The following KDM2B variants were observed in gnomAD, a reference collection of about 807,000 sequenced individuals.
KDM2B encodes the protein lysine-specific demethylase 2B.
KDM2B carries 26 observed loss-of-function variants against 150.0 expected under a neutral mutation model. That is an observed-to-expected ratio of 0.17 (90% CI 0.13 to 0.24). The LOEUF is 0.24. Ranked by LOEUF, KDM2B falls within the 10% of genes least tolerant of loss-of-function variation. The pLI is 1.00. For missense variants in KDM2B, 1,265 were observed against 1,816.9 expected (o/e 0.70, Z 5.52); for synonymous variants, 734 against 729.5 (o/e 1.01, Z -0.10).
intron 8 of KDM2B, among the ~76,000 whole-genome samples, chr12:121,530,537 C>T (rs1427602299): frequency 1.0e-4 from 14 of 135,658 alleles, no homozygotes; most frequent in Non-Finnish European, 1.8e-4. Context: ...TCCCACCCTA[C>T]CCCACCCCTG....
At chr12:121,451,275 T>G in intron 13 of KDM2B, among the ~76,000 whole-genome samples, 1 of 152,330 alleles carries the variant, frequency 6.6e-6, no homozygotes, top group Non-Finnish European at 1.5e-5. Context: ...ATGATCTTCT[T>G]AATATTTTCT....
At chr12:121,420,583 G>T in the KDM2B span, 4 of 1,613,882 alleles carry the variant, frequency 2.5e-6, no homozygotes, top group African/African-American at 4.0e-5. Flanking sequence ...TCAGAACCCC[G>T]GGCTCTCCAA....
chr12:121,510,043 T>C lies in KDM2B; in HGVS notation c.1175-4A>G. The C allele has an allele frequency of 6.5e-7, 1 of 1,538,380 alleles. No individual in the cohort carries two copies. Among genetic ancestry groups the C allele is most frequent in the Non-Finnish European group, 8.7e-7 (1 of 1,145,540 alleles). ...ATGCTGGGCTTCCTCGGGGCATCTG[T>C]GGGGGCAGGGTCACAAGAAAGACCG... On this transcript the variant is annotated splice_polypyrimidine_tract_variant and splice_region_variant and intron_variant, in intron 10 of 22. Coordinates refer to ENST00000377071, the MANE Select transcript of KDM2B (RefSeq NM_032590.5).
chr12:121,558,214 G>T (rs1405755247), intron 4 of KDM2B, among the ~76,000 whole-genome samples: 2 of 152,150 alleles, frequency 1.3e-5, no homozygotes, highest in Admixed American at 6.5e-5. Flanking sequence ...CATGAGGAAT[G>T]AGTGCTGTTA....
intron 11 of KDM2B, among the ~76,000 whole-genome samples, chr12:121,509,215 G>A (rs1885363736): frequency 6.6e-6 from 1 of 151,992 alleles, no homozygotes; most frequent in Non-Finnish European, 1.5e-5. Context: ...TACGCCACCA[G>A]GCATGGCTAA....
intron 12 of KDM2B, among the ~76,000 whole-genome samples, chr12:121,492,028 TGTGCCTGTG>T (rs370813514): frequency 5.9e-5 from 9 of 151,714 alleles, no homozygotes; most frequent in African/African-American, 2.2e-4. Flanking sequence ...CGTGATGGCA[TGTGCCTGTG>T]GTCCCAGCTA....
chr12:121,547,912 A>G (rs1378082597), intron 6 of KDM2B, among the ~76,000 whole-genome samples: 1 of 151,922 alleles, frequency 6.6e-6, no homozygotes, highest in African/African-American at 2.4e-5. Flanking sequence ...AAGTGCTGGG[A>G]TTACAGGTGT....
intron 6 of KDM2B, among the ~76,000 whole-genome samples, chr12:121,539,206 G>A (rs1439913921): frequency 2.0e-5 from 3 of 151,322 alleles, no homozygotes; most frequent in East Asian, 1.9e-4. Context: ...AATGGTGCGC[G>A]CCTGTAGTCC....
chr12:121,442,797 C>T lies in KDM2B; in HGVS notation c.2644G>A (p.Ala882Thr), dbSNP rs368795156. The T allele has an allele frequency of 6.5e-7, 1 of 1,536,630 alleles. No individual in the cohort carries two copies. The highest frequency in any genetic ancestry group is 8.7e-7 in the Non-Finnish European group (1 of 1,148,392). ...WKNAEDRMAL[A>T]NKPLRRFKQE... ...TTGAAGCGCCGGAGGGGCTTGTTGG[C>T]CAGCGCCATGCGGTCCTCGGCGTTC... is the stretch of plus-strand genomic sequence containing the variant. The change falls in exon 19 of 23, where the codon GCC (alanine) becomes ACC (threonine). Residue 882 changes from alanine to threonine, a missense_variant. Coordinates refer to ENST00000377071, the MANE Select transcript of KDM2B (RefSeq NM_032590.5). This position sits in a 1 kb window ranked among gnomAD's most constrained non-coding sequence, Gnocchi z 7.7.
Position 121,579,412 on chromosome 12 carries a change from G to C in KDM2B, c.127-466C>G, listed in dbSNP as rs539211777. Reference sequence around the variant, plus strand: ...AGCCGGGAAGCCGGAACCGGGGGCCGGCGGCATTTCTAAAGCTGGAGCCGC... The same window carrying C: ...AGCCGGGAAGCCGGAACCGGGGGCCCGCGGCATTTCTAAAGCTGGAGCCGC... On this transcript the variant is annotated intron_variant, in intron 1 of 22. Transcript: ENST00000377071. Among the ~76,000 whole-genome samples the C allele has an allele frequency of 2.5e-3, 378 of 152,226 alleles. 2 individuals carry two copies. Among genetic ancestry groups the C allele is most frequent in the African/African-American group, 8.5e-3 (355 of 41,534 alleles).
chr12:121,545,239 G>A (rs1888937588), intron 6 of KDM2B, among the ~76,000 whole-genome samples: 1 of 152,086 alleles, frequency 6.6e-6, no homozygotes, highest in Admixed American at 6.6e-5. Context: ...TTTCCAAGAT[G>A]ACAATTTCCT....
intron 4 of KDM2B, among the ~76,000 whole-genome samples, chr12:121,566,069 G>A (rs918833224): frequency 1.3e-5 from 2 of 151,986 alleles, no homozygotes; most frequent in African/African-American, 4.8e-5. Context: ...AAATATAATC[G>A]TTCAAACAAT....
chr12:121,478,650 C>T (rs1456191605), intron 12 of KDM2B, among the ~76,000 whole-genome samples: 12 of 151,854 alleles, frequency 7.9e-5, no homozygotes, highest in Non-Finnish European at 1.6e-4. Context: ...TGAGCCACTG[C>T]GCCCAGCTGA....
intron 12 of KDM2B, among the ~76,000 whole-genome samples, chr12:121,457,775 CAAAT>C (rs1251050846): frequency 3.5e-5 from 5 of 142,632 alleles, no homozygotes; most frequent in Admixed American, 2.8e-4. Flanking sequence ...CACACACACA[CAAAT>C]ATCTTGGTAT....
Position 121,513,308 on chromosome 12 carries a change from G to T in KDM2B, c.1142C>A (p.Thr381Asn), listed in dbSNP as rs782143544. 6.2e-7 allele frequency: 1 copy of T among 1,613,630 alleles called. No individual in the cohort carries two copies. The highest frequency in any genetic ancestry group is 8.5e-7 in the Non-Finnish European group (1 of 1,179,892). ...CATCGACTCCCTCTGGTATTCCTGA[G>T]TGAGGTGGGAGCGCTGGGTCACACA... is the stretch of plus-strand genomic sequence containing the variant. ...VYCVTQRSHL[T>N]QEYQRESMLI... Residue 381 changes from threonine (T) to asparagine (N), a missense_variant, in exon 10 of 23, where the codon ACT becomes AAT. By Grantham distance (65) the Thr-to-Asn change is moderately conservative. This residue lies in a region of KDM2B where 154 missense variants were observed against 162.5 expected (regional missense o/e 0.95). Coordinates refer to ENST00000377071, the MANE Select transcript of KDM2B (RefSeq NM_032590.5). The surrounding 1 kb of genome is among the most constrained non-coding windows in gnomAD (Gnocchi z 5.0).
chr12:121,529,858 A>G (rs1431577764), intron 8 of KDM2B, among the ~76,000 whole-genome samples: 3 of 149,098 alleles, frequency 2.0e-5, no homozygotes, highest in Non-Finnish European at 4.4e-5. Flanking sequence ...TGAACCCGGG[A>G]GGCGGAGGTT....
At chr12:121,509,538 G>A (rs370346445) in intron 11 of KDM2B, 29 bp downstream of exon 11, 52 of 1,600,164 alleles carry the variant, frequency 3.2e-5, no homozygotes, top group South Asian at 2.7e-4. Context: ...CTCCTCGGCC[G>A]CCCAGCCCCA....
At chr12:121,465,263 C>T (rs1306501014) in intron 12 of KDM2B, among the ~76,000 whole-genome samples, 3 of 152,140 alleles carry the variant, frequency 2.0e-5, no homozygotes, top group African/African-American at 7.2e-5. Flanking sequence ...GTCTCACTCT[C>T]GTCGCTCAGG....
rs1244250208 is a variant in KDM2B, at chr12:121,550,304, T to G, written c.398-666A>C. On this transcript the variant is annotated intron_variant, in intron 4 of 22. Coordinates refer to ENST00000377071, the MANE Select transcript of KDM2B (RefSeq NM_032590.5). Reference sequence around the variant, plus strand: ...CAGCCTGGGCAACAGAGCAAGACTTTGTCTCAAAAAAAAAAAAAAGAAAGA... The same window carrying G: ...CAGCCTGGGCAACAGAGCAAGACTTGGTCTCAAAAAAAAAAAAAAGAAAGA... Among the ~76,000 whole-genome samples, 3 of 147,370 alleles carry G rather than the reference T, an allele frequency of 2.0e-5. No homozygotes were observed. In the East Asian group the frequency reaches 6.0e-4, roughly 30 times the overall value.
Sources: allele counts gnomAD v4.1 joint callset (sites outside exome capture counted in the v4.1 genomes callset), GRCh38; gene constraint gnomAD v4.1.1; regional missense constraint gnomAD v4.1.1; non-coding constraint Gnocchi (gnomAD v3.1); transcripts MANE v1.5; gene names NCBI Gene and HGNC (gene_info 2026-07-23, HGNC 2026-07-21).